KCNMA1: variants seen among roughly 807,000 people sequenced by gnomAD.
KCNMA1 encodes Calcium-activated potassium channel subunit alpha-1.
KCNMA1 carries 29 observed loss-of-function variants against 140.0 expected under a neutral mutation model. The ratio of observed to expected loss-of-function variants is 0.21; its 90% confidence interval spans 0.15 to 0.28. KCNMA1 has a LOEUF of 0.28. Ranked by LOEUF, KCNMA1 falls within the 10% of genes least tolerant of loss-of-function variation. The pLI, the probability that KCNMA1 is intolerant of heterozygous loss-of-function variation, is 1.00. For synonymous variants in KCNMA1, 612 were observed against 611.9 expected (o/e 1.00, Z 0.00); for missense variants, 880 against 1,602.2 (o/e 0.55, Z 7.70).
intron 18 of KCNMA1, among the ~76,000 whole-genome samples, chr10:77,007,352 G>A (rs923682126): frequency 1.3e-5 from 2 of 152,130 alleles, no homozygotes; most frequent in Non-Finnish European, 2.9e-5. Flanking sequence ...GCAACTGGGT[G>A]TGTCCTACTG....
chr10:77,356,411 T>G (rs568843028), intron 2 of KCNMA1, among the ~76,000 whole-genome samples: 3 of 152,202 alleles, frequency 2.0e-5, no homozygotes, highest in Non-Finnish European at 4.4e-5. Context: ...AGCCAAAAAT[T>G]AAGCCTGGAG....
chr10:76,951,831 T>C, intron 21 of KCNMA1, among the ~76,000 whole-genome samples: 1 of 152,232 alleles, frequency 6.6e-6, no homozygotes, highest in Admixed American at 6.5e-5. Context: ...AGATAACTCC[T>C]CTTCCCCCAG....
intron 1 of KCNMA1, among the ~76,000 whole-genome samples, chr10:77,572,639 C>T (rs1418413139): frequency 8.7e-6 from 1 of 115,226 alleles, no homozygotes; most frequent in Admixed American, 1.0e-4. Flanking sequence ...GCCTATAGTC[C>T]CAGCTACTCA....
intron 25 of KCNMA1, among the ~76,000 whole-genome samples, chr10:76,899,327 T>C (rs1415167235): frequency 6.6e-6 from 1 of 152,130 alleles, no homozygotes; most frequent in Non-Finnish European, 1.5e-5. Context: ...TGTCCTCTCA[T>C]GTAGTATAGT....
chr10:76,871,092 C>T (rs182545572), exon 28 of KCNMA1: 1 of 152,378 alleles, frequency 6.6e-6, no homozygotes. Context: ...TAAACCTACA[C>T]TTTCTCCCTA....
intron 14 of KCNMA1, among the ~76,000 whole-genome samples, chr10:77,072,773 G>A (rs1409896234): frequency 6.6e-6 from 1 of 152,046 alleles, no homozygotes; most frequent in African/African-American, 2.4e-5. Flanking sequence ...TTCTTTAGGC[G>A]CTCTGTTGCC....
At chr10:77,153,893 GCT>G (rs1251635762) in intron 5 of KCNMA1, among the ~76,000 whole-genome samples, 1 of 152,130 alleles carries the variant, frequency 6.6e-6, no homozygotes, top group Non-Finnish European at 1.5e-5. Flanking sequence ...TCCGGGCCCA[GCT>G]CTGTTGCTTA....
intron 13 of KCNMA1, among the ~76,000 whole-genome samples, chr10:77,077,145 A>C (rs1218156729): frequency 6.6e-6 from 1 of 152,240 alleles, no homozygotes; most frequent in African/African-American, 2.4e-5. Context: ...AAGAATGTCC[A>C]TTTGCAATTC....
At chr10:77,184,967 T>TCTC (rs1254793086) in intron 3 of KCNMA1, 51 bp from the exon 4 acceptor site, 4 of 1,036,684 alleles carry the variant, frequency 3.9e-6, no homozygotes, top group Non-Finnish European at 6.1e-6. Flanking sequence ...GGTAGTATCA[T>TCTC]CCTGTCTCCC....
chr10:77,433,189 G>C (rs919343749), intron 1 of KCNMA1, among the ~76,000 whole-genome samples: 4 of 152,160 alleles, frequency 2.6e-5, no homozygotes, highest in Non-Finnish European at 4.4e-5. Flanking sequence ...GTCTCACTCT[G>C]TTACCCAGGC....
At chr10:76,995,698 A>G (rs777173327) in intron 19 of KCNMA1, 63 of 470,508 alleles carry the variant, frequency 1.3e-4, no homozygotes, top group Non-Finnish European at 2.1e-4. Flanking sequence ...GAGTATCCTG[A>G]GAACCGGCCA....
At chr10:76,952,480 G>A (rs140095360) in intron 21 of KCNMA1, among the ~76,000 whole-genome samples, 397 of 152,308 alleles carry the variant, frequency 2.6e-3, no homozygotes, top group African/African-American at 9.1e-3. Flanking sequence ...ATAGGGCTCT[G>A]CACTCCAGCC....
intron 1 of KCNMA1, among the ~76,000 whole-genome samples, chr10:77,437,238 G>A (rs1166141745): frequency 6.6e-6 from 1 of 152,140 alleles, no homozygotes; most frequent in Admixed American, 6.5e-5. Context: ...GTAGTACCTG[G>A]TGGACAATAG....
chr10:77,493,676 A>C (rs538364078), intron 1 of KCNMA1: 1 of 152,272 alleles, frequency 6.6e-6, no homozygotes, highest in Non-Finnish European at 1.5e-5. Context: ...TGGCCAACCC[A>C]GCACGGGGAG....
rs76083548 is a variant in KCNMA1 at position 77,616,096 on chromosome 10, C to T, written c.378+21169G>A. On this transcript the variant is annotated intron_variant, in intron 1 of 27. Transcript: ENST00000286628. ...AGCCAGGACTCAAACCCGCCTTTGA[C>T]CAATTCCAAACTAGGCTAAGAGCCT... Among the ~76,000 whole-genome samples the T allele has an allele frequency of 4.1e-3, 626 of 152,332 alleles. 10 individuals carry two copies. Among genetic ancestry groups the T allele is most frequent in the Middle Eastern group, 0.014 (4 of 294 alleles).
intron 1 of KCNMA1, among the ~76,000 whole-genome samples, chr10:77,537,971 A>G (rs1770608557): frequency 6.6e-6 from 1 of 151,982 alleles, no homozygotes. Flanking sequence ...GGCACTGTAT[A>G]CACACGCACA....
chr10:77,198,566 G>A (rs56188816), intron 3 of KCNMA1, among the ~76,000 whole-genome samples: 22,399 of 86,764 alleles, frequency 0.26, 2,146 homozygotes, highest in Middle Eastern at 0.35. Context: ...GCATATATAT[G>A]TGATATATAT....
chr10:77,490,486 T>G (rs2098518802), intron 1 of KCNMA1, among the ~76,000 whole-genome samples: 2 of 152,192 alleles, frequency 1.3e-5, no homozygotes, highest in African/African-American at 4.8e-5. Context: ...GGGAATGATT[T>G]ACTGGAACTT....
rs2036341284 is a variant in KCNMA1, at chr10:76,885,230, A to AT, written c.*2035dup. 1 of 521,044 alleles carries AT rather than the reference A, an allele frequency of 1.9e-6. No individual in the cohort carries two copies. Among genetic ancestry groups the AT allele is most frequent in the Non-Finnish European group, 2.5e-6 (1 of 405,380 alleles). The allele number at this position is 521,044 out of a possible 1,614,324, so 32.3% of individuals were successfully genotyped here. A position where few individuals can be genotyped will look rare whatever the true frequency, so the allele number is the denominator to read the frequency against. On this transcript the variant is annotated 3_prime_UTR_variant, in exon 28 of 28. Coordinates refer to ENST00000286628, the MANE Select transcript of KCNMA1 (RefSeq NM_001161352.2). ...TTATATATATAGTTATATATATATA[A>AT]TTATATAGTTATATATATATAATTA...
Sources: allele counts gnomAD v4.1 joint callset (sites outside exome capture counted in the v4.1 genomes callset), GRCh38; gene constraint gnomAD v4.1.1; transcripts MANE v1.5; gene names NCBI Gene and HGNC (gene_info 2026-07-23, HGNC 2026-07-21).